Variants in IFT25 observed in about 807,000 individuals in gnomAD.
The protein encoded by IFT25 is intraflagellar transport 25.
chr1:53,933,853 AT>A, the IFT25 span, among the ~76,000 whole-genome samples: 1,414 of 147,626 alleles, frequency 9.6e-3, 23 homozygotes, highest in African/African-American at 0.033. Context: ...TAATTCCTCT[AT>A]TTTTTTTTAG....
chr1:53,923,982 G>C, the IFT25 span: 5 of 1,393,636 alleles, frequency 3.6e-6, no homozygotes, highest in Non-Finnish European at 5.1e-6. Context: ...AATGAGTTAA[G>C]GGTCAAAATA....
the IFT25 span, among the ~76,000 whole-genome samples, chr1:53,943,176 T>A: frequency 1.3e-5 from 2 of 152,232 alleles, no homozygotes; most frequent in East Asian, 3.9e-4. Flanking sequence ...AAAGTAAAGA[T>A]TTTAAATTTC....
chr1:53,929,922 AG>A, the IFT25 span: 3 of 1,369,168 alleles, frequency 2.2e-6, no homozygotes, highest in South Asian at 5.8e-5. Context: ...TTTTGCCAAA[AG>A]TTTACATATA....
the IFT25 span, among the ~76,000 whole-genome samples, chr1:53,943,552 A>G: frequency 1.3e-5 from 2 of 152,204 alleles, no homozygotes; most frequent in African/African-American, 4.8e-5. Context: ...CCAAGTATAA[A>G]TAGTGTAAAG....
the IFT25 span, among the ~76,000 whole-genome samples, chr1:53,939,415 C>T: frequency 3.3e-5 from 5 of 151,162 alleles, no homozygotes; most frequent in South Asian, 2.1e-4. Flanking sequence ...AAAAGGAGTC[C>T]TCCCATTCCC....
At chr1:53,940,007 G>T in the IFT25 span, 1 of 1,602,216 alleles carries the variant, frequency 6.2e-7, no homozygotes. Context: ...TTTTCAGGTG[G>T]GTGTTTTTCA....
the IFT25 span, among the ~76,000 whole-genome samples, chr1:53,919,009 T>C: frequency 6.6e-6 from 1 of 152,162 alleles, no homozygotes; most frequent in Admixed American, 6.5e-5. Context: ...TGGCTAATTT[T>C]GTATTTTTAG....
At chr1:53,942,611 T>C in the IFT25 span, among the ~76,000 whole-genome samples, 1 of 152,226 alleles carries the variant, frequency 6.6e-6, no homozygotes, top group Non-Finnish European at 1.5e-5. Flanking sequence ...TAGGTTTGGT[T>C]GACCACAAAG....
At chr1:53,929,089 C>T in the IFT25 span, 8 of 152,396 alleles carry the variant, frequency 5.2e-5, 1 homozygote, top group Admixed American at 5.2e-4. Flanking sequence ...AGGGGCTAAC[C>T]TCTGTGGACT....
the IFT25 span, among the ~76,000 whole-genome samples, chr1:53,938,412 T>C: frequency 1.3e-5 from 2 of 152,150 alleles, no homozygotes; most frequent in Non-Finnish European, 2.9e-5. Flanking sequence ...AACAGAGGTA[T>C]ATACCAAATG....
the IFT25 span, among the ~76,000 whole-genome samples, chr1:53,943,785 G>A: frequency 1.9e-4 from 29 of 152,132 alleles, no homozygotes; most frequent in Admixed American, 3.3e-4. Context: ...CACCACGGCC[G>A]GCTAATTTTT....
chr1:53,940,005 T>C, the IFT25 span: 1 of 1,602,134 alleles, frequency 6.2e-7, no homozygotes, highest in Non-Finnish European at 8.6e-7. Flanking sequence ...TATTTTCAGG[T>C]GGGTGTTTTT....
the IFT25 span, among the ~76,000 whole-genome samples, chr1:53,932,435 T>G: frequency 5.3e-5 from 8 of 152,048 alleles, no homozygotes; most frequent in East Asian, 9.7e-4. Context: ...TTTTGGGGGG[T>G]TTTCTGAATA....
the IFT25 span, among the ~76,000 whole-genome samples, chr1:53,932,520 T>C: frequency 6.6e-6 from 1 of 152,208 alleles, no homozygotes; most frequent in African/African-American, 2.4e-5. Flanking sequence ...AATCTTGAAA[T>C]ATATTGAGAC....
the IFT25 span, among the ~76,000 whole-genome samples, chr1:53,924,928 AT>A: frequency 6.6e-6 from 1 of 152,242 alleles, no homozygotes; most frequent in Non-Finnish European, 1.5e-5. Context: ...GCCCCGTAGT[AT>A]TAAAAGAGAA....
chr1:53,946,202 C>G, the IFT25 span: 3 of 152,046 alleles, frequency 2.0e-5, no homozygotes, highest in African/African-American at 4.8e-5. Context: ...CCCAGGGGAC[C>G]CACCCTCCCG....
the IFT25 span, among the ~76,000 whole-genome samples, chr1:53,935,830 A>T: frequency 1.3e-5 from 2 of 152,104 alleles, no homozygotes; most frequent in African/African-American, 2.4e-5. Flanking sequence ...AATATTTTAC[A>T]ATCTCCTTTC....
the IFT25 span, among the ~76,000 whole-genome samples, chr1:53,932,697 T>C: frequency 4.6e-5 from 7 of 152,164 alleles, no homozygotes; most frequent in African/African-American, 9.7e-5. Flanking sequence ...CAAAAGGAGC[T>C]GGGACTACAG....
the IFT25 span, chr1:53,939,926 A>C: frequency 1.1e-6 from 1 of 947,174 alleles, no homozygotes; most frequent in Non-Finnish European, 1.7e-6. Context: ...AACACAGTCC[A>C]AGTACTCAAG....
Sources: gnomAD v4.1 joint callset for allele counts (sites outside exome capture counted in the v4.1 genomes callset) on GRCh38, gnomAD v4.1.1 for gene constraint, MANE v1.5 for transcripts, NCBI Gene and HGNC (gene_info 2026-07-23, HGNC 2026-07-21) for gene names.